CAPN5: variants seen among roughly 807,000 people sequenced by gnomAD.
CAPN5 encodes the protein calpain 5.
A neutral mutation model predicts 73.0 loss-of-function variants in CAPN5; 54 were observed. That is an observed-to-expected ratio of 0.74 (90% confidence interval 0.59 to 0.93). The LOEUF is 0.93. Ranked by LOEUF, CAPN5 falls within the 40% of genes least tolerant of loss-of-function variation. CAPN5 has a pLI of 0.00. For synonymous variants in CAPN5, 335 were observed against 356.9 expected (o/e 0.94, Z 0.69); for missense variants, 785 against 882.9 (o/e 0.89, Z 1.41).
chr11:77,096,194 C>T (rs1950206934), intron 3 of CAPN5, among the ~76,000 whole-genome samples: 1 of 152,140 alleles, frequency 6.6e-6, no homozygotes, highest in Non-Finnish European at 1.5e-5. Context: ...CCACCTCACA[C>T]TTGGGGATTC....
chr11:77,079,783 T>TTGTGTGTGTGTGTGTGTGTGTGTG (rs147108363), intron 1 of CAPN5, among the ~76,000 whole-genome samples: 1 of 148,144 alleles, frequency 6.8e-6, no homozygotes, highest in Non-Finnish European at 1.5e-5. Context: ...CTACTTGAGA[T>TTGTGTGTGTGTGTGTGTGTGTGTG]TGTGTGTGTG....
Position 77,112,730 on chromosome 11 carries a change from C to T in CAPN5, c.439C>T (p.Leu147Phe), listed in dbSNP as rs1950424927. The change falls in exon 4 of 13, where the codon CTC (leucine) becomes TTC (phenylalanine). Residue 147 changes from leucine (L) to phenylalanine (F), a missense_variant. By Grantham distance (22) the Leu-to-Phe change is conservative (BLOSUM62 0). Transcript: ENST00000648180. ...CCGGCTGCCCACAGTCAACAACCAG[C>T]TCATCTACTGCCACTCCAACTCCCG... is the stretch of plus-strand genomic sequence containing the variant. ...DDRLPTVNNQ[L>F]IYCHSNSRNE... 6.2e-7 allele frequency: 1 copy of T among 1,614,160 alleles called. No homozygotes were observed. The highest frequency in any genetic ancestry group is 8.5e-7 in the Non-Finnish European group (1 of 1,180,062).
chr11:77,103,213 T>C lies in CAPN5; in HGVS notation c.298-9376T>C, dbSNP rs782299955. 3 of 1,613,660 alleles carry C rather than the reference T, an allele frequency of 1.9e-6. No homozygotes were observed. In the South Asian group the frequency reaches 3.3e-5, roughly 18 times the overall value. On this transcript the variant is annotated intron_variant, in intron 3 of 12. Coordinates refer to ENST00000648180, the MANE Select transcript of CAPN5 (RefSeq NM_004055.5). ...TGGAATGAGGCCGACGCCCTGGAGT[T>C]TGGGGAGCGCCTGTCGGACCTGGCC...
At chr11:77,101,576 C>G (rs782409067) in intron 3 of CAPN5, among the ~76,000 whole-genome samples, 3 of 152,244 alleles carry the variant, frequency 2.0e-5, no homozygotes, top group Admixed American at 6.5e-5. Context: ...CTTGGTGCCC[C>G]TCTGCTGTTC....
chr11:77,094,168 T>C (rs551836049), intron 3 of CAPN5, among the ~76,000 whole-genome samples: 14 of 152,356 alleles, frequency 9.2e-5, no homozygotes, highest in Non-Finnish European at 1.9e-4. Context: ...AGGAGACCCC[T>C]GACAGACACA....
Position 77,123,724 on chromosome 11 carries a change from G to C in CAPN5, c.1777G>C (p.Gly593Arg), listed in dbSNP as rs782752743. The change falls in exon 13 of 13, where the codon GGC becomes CGC. Residue 593 changes from glycine to arginine, a missense_variant. Coordinates refer to ENST00000648180, the MANE Select transcript of CAPN5 (RefSeq NM_004055.5). ...CCGAGTGCTGAAGGATGAATTTCTG[G>C]GCCAGGTGCACCTAAAGGCTGACCC... ...NHRVLKDEFL[G>R]QVHLKADPDN... 9.9e-6 allele frequency: 16 copies of C among 1,613,620 alleles called. No individual in the cohort carries two copies. The highest frequency in any genetic ancestry group is 1.4e-5 in the Non-Finnish European group (16 of 1,179,920).
chr11:77,086,584 C>T (rs1193296486), intron 2 of CAPN5, among the ~76,000 whole-genome samples: 2 of 152,236 alleles, frequency 1.3e-5, no homozygotes, highest in African/African-American at 2.4e-5. Context: ...CCTCTTGGGC[C>T]CCCTCTCCCA....
At chr11:77,099,817 G>A (rs1456243206) in intron 3 of CAPN5, among the ~76,000 whole-genome samples, 4 of 152,054 alleles carry the variant, frequency 2.6e-5, no homozygotes, top group Admixed American at 6.5e-5. Flanking sequence ...TTTCCACTTG[G>A]TGTTAAAGAG....
intron 3 of CAPN5, among the ~76,000 whole-genome samples, chr11:77,111,922 C>T (rs1555040783): frequency 6.6e-6 from 1 of 150,964 alleles, no homozygotes; most frequent in Non-Finnish European, 1.5e-5. Flanking sequence ...AAGGAAGAAC[C>T]TGGAGCAGGG....
intron 8 of CAPN5, 127 bp downstream of exon 8, chr11:77,118,479 C>A: frequency 1.3e-6 from 1 of 770,444 alleles, no homozygotes; most frequent in Non-Finnish European, 2.1e-6. Context: ...GCAAACCTGT[C>A]TGTACAGTGG....
chr11:77,121,015 C>T, intron 10 of CAPN5, 106 bp downstream of exon 10: 1 of 1,019,154 alleles, frequency 9.8e-7, no homozygotes, highest in Non-Finnish European at 1.5e-6. Context: ...GGGCCTCCAG[C>T]CACTCTGGGC....
intron 3 of CAPN5, among the ~76,000 whole-genome samples, chr11:77,110,527 G>T (rs1207077125): frequency 1.3e-5 from 2 of 152,210 alleles, no homozygotes; most frequent in African/African-American, 2.4e-5. Flanking sequence ...GTGAGGTTGG[G>T]AAGTCCTGGG....
chr11:77,094,765 G>GT lies in CAPN5; in HGVS notation c.297+953dup, dbSNP rs143160083. Among the ~76,000 whole-genome samples, 1,255 of 152,352 alleles carry GT rather than the reference G, an allele frequency of 8.2e-3. 16 individuals are homozygous for GT. Among genetic ancestry groups the GT allele is most frequent in the African/African-American group, 0.029 (1,213 of 41,586 alleles). On this transcript the variant is annotated intron_variant, in intron 3 of 12. Transcript: ENST00000648180. ...CGGAGTAGCTGTCTCTCGGGGAGTG[G>GT]TGAGGATAGGACCAGATGCTGCACT...
Position 77,067,269 on chromosome 11 carries a change from G to A in CAPN5, c.-36+175G>A, listed in dbSNP as rs187756970. On this transcript the variant is annotated intron_variant, in intron 1 of 12. Coordinates refer to ENST00000648180, the MANE Select transcript of CAPN5 (RefSeq NM_004055.5). ...AGGAAGTGAGCGCTGGCTGGGGGGC[G>A]GGGTCCTGGAGCATCCGCCTGGGCC... Among the ~76,000 whole-genome samples, 1,449 of 152,016 alleles carry A rather than the reference G, an allele frequency of 9.5e-3. 22 individuals are homozygous for A. The highest frequency in any genetic ancestry group is 0.033 in the African/African-American group (1,373 of 41,428).
intron 3 of CAPN5, among the ~76,000 whole-genome samples, chr11:77,096,679 G>A (rs539384541): frequency 6.6e-6 from 1 of 152,250 alleles, no homozygotes; most frequent in Non-Finnish European, 1.5e-5. Flanking sequence ...CATTGGTCCT[G>A]GCCTGGCCTA....
At chr11:77,086,144 G>A (rs1343698592) in intron 2 of CAPN5, among the ~76,000 whole-genome samples, 1 of 152,218 alleles carries the variant, frequency 6.6e-6, no homozygotes, top group African/African-American at 2.4e-5. Flanking sequence ...ACCTTGCTCT[G>A]TGAGTAGTGA....
intron 1 of CAPN5, among the ~76,000 whole-genome samples, chr11:77,075,854 C>T (rs1949963495): frequency 6.6e-6 from 1 of 151,992 alleles, no homozygotes; most frequent in South Asian, 2.1e-4. Context: ...AGTCACTACC[C>T]CCAAGATAGC....
At chr11:77,097,414 T>C (rs2135443101) in intron 3 of CAPN5, among the ~76,000 whole-genome samples, 1 of 151,440 alleles carries the variant, frequency 6.6e-6, no homozygotes, top group Non-Finnish European at 1.5e-5. Context: ...CTTAAGGCTT[T>C]CATTCATCAG....
chr11:77,109,379 G>A (rs1016278433), intron 3 of CAPN5, among the ~76,000 whole-genome samples: 1 of 151,862 alleles, frequency 6.6e-6, no homozygotes, highest in African/African-American at 2.4e-5. Flanking sequence ...TAATTTTCCA[G>A]TTTAAAAAAA....
Sources: gnomAD v4.1 joint callset for allele counts (sites outside exome capture counted in the v4.1 genomes callset) on GRCh38, gnomAD v4.1.1 for gene constraint, MANE v1.5 for transcripts, NCBI Gene and HGNC (gene_info 2026-07-23, HGNC 2026-07-21) for gene names.